CSMD1: variants seen among roughly 807,000 people sequenced by gnomAD.
CSMD1 encodes the protein CUB and Sushi multiple domains 1.
In CSMD1, 213 loss-of-function variants were observed where a neutral mutation model predicts 417.5. The ratio of observed to expected loss-of-function variants is 0.51; its 90% CI spans 0.46 to 0.57. The LOEUF (loss-of-function observed/expected upper bound fraction) is 0.57, where lower values mean the gene tolerates loss of function less well. CSMD1 is among the 20% of genes least tolerant of loss of function. CSMD1 has a pLI of 0.00. For missense variants in CSMD1, 6,923 were observed against 4,529.7 expected, an observed-to-expected ratio of 1.53 and a Z score of -15.17; for synonymous variants, 2,862 against 1,736.8, an observed-to-expected ratio of 1.65 and a Z score of -16.11.
intron 5 of CSMD1, among the ~76,000 whole-genome samples, chr8:3,755,786 G>C (rs1433532611): frequency 6.6e-6 from 1 of 152,104 alleles, no homozygotes; most frequent in Non-Finnish European, 1.5e-5. Flanking sequence ...TTACAACAGT[G>C]TTTATGCCAC....
chr8:4,634,362 T>G (rs2724969), intron 2 of CSMD1, among the ~76,000 whole-genome samples: 289 of 152,354 alleles, frequency 1.9e-3, no homozygotes, highest in African/African-American at 6.4e-3. Flanking sequence ...GGATTAAATC[T>G]GCCTCTTAAG....
At chr8:3,461,414 C>A (rs533577468) in intron 12 of CSMD1, among the ~76,000 whole-genome samples, 1 of 152,208 alleles carries the variant, frequency 6.6e-6, no homozygotes, top group South Asian at 2.1e-4. Flanking sequence ...GGCCATAATG[C>A]TGTGTCAGTC....
intron 3 of CSMD1, among the ~76,000 whole-genome samples, chr8:4,390,529 T>TTTATTTATTTATTTA (rs1803778170): frequency 6.7e-4 from 8 of 11,966 alleles, no homozygotes; most frequent in African/African-American, 3.7e-3. Flanking sequence ...TTATTTATTT[T>TTTATTTATTTATTTA]TTGAGATGGA....
chr8:4,714,116 G>C (rs983792319), intron 1 of CSMD1, among the ~76,000 whole-genome samples: 1 of 151,982 alleles, frequency 6.6e-6, no homozygotes, highest in Non-Finnish European at 1.5e-5. Flanking sequence ...TTGCACTCCA[G>C]TCTGGGTGAC....
At chr8:4,564,532 C>T (rs575101625) in intron 2 of CSMD1, among the ~76,000 whole-genome samples, 2 of 152,028 alleles carry the variant, frequency 1.3e-5, no homozygotes, top group African/African-American at 2.4e-5. Context: ...ACTCGATGTT[C>T]GAAACAGAAG....
At chr8:4,908,236 C>G (rs373528277) in intron 1 of CSMD1, among the ~76,000 whole-genome samples, 20 of 152,154 alleles carry the variant, frequency 1.3e-4, no homozygotes, top group East Asian at 5.8e-4. Flanking sequence ...AGTGTTTATA[C>G]TTGCTATTCT....
chr8:3,515,105 A>T (rs898529071), intron 10 of CSMD1, among the ~76,000 whole-genome samples: 1 of 152,364 alleles, frequency 6.6e-6, no homozygotes, highest in African/African-American at 2.4e-5. Context: ...ACATTTAAAA[A>T]ATCAGTCATT....
At chr8:2,978,460 G>C (rs1164454299) in intron 55 of CSMD1, among the ~76,000 whole-genome samples, 152 bp downstream of exon 55, 1 of 152,160 alleles carries the variant, frequency 6.6e-6, no homozygotes, top group Admixed American at 6.5e-5. Context: ...CTGGCCACTC[G>C]ATCTACAGCT....
chr8:4,558,730 A>G (rs983217526), intron 2 of CSMD1, among the ~76,000 whole-genome samples: 1 of 152,092 alleles, frequency 6.6e-6, no homozygotes, highest in Admixed American at 6.5e-5. Flanking sequence ...TTAGCCCAGC[A>G]TGGTGGTGGC....
chr8:4,002,568 T>C (rs575655287), intron 4 of CSMD1, among the ~76,000 whole-genome samples: 35 of 152,338 alleles, frequency 2.3e-4, no homozygotes, highest in African/African-American at 7.9e-4. Flanking sequence ...TACTTAATTT[T>C]TGATATAATA....
chr8:3,524,966 T>G (rs1797694284), intron 10 of CSMD1, among the ~76,000 whole-genome samples: 1 of 152,166 alleles, frequency 6.6e-6, no homozygotes, highest in Admixed American at 6.5e-5. Flanking sequence ...CACTGTACAC[T>G]CATTAGGCAC....
chr8:4,340,267 C>T (rs1251628178), intron 3 of CSMD1, among the ~76,000 whole-genome samples: 1 of 151,932 alleles, frequency 6.6e-6, no homozygotes, highest in Non-Finnish European at 1.5e-5. Context: ...AAGATTTGTC[C>T]TTTTTCCTTG....
In CSMD1 at chr8:3,007,151, C is replaced by T. The variant is rs1475533480; in HGVS notation, c.8030-7020G>A. Among the ~76,000 whole-genome samples, 4 of 149,096 alleles carry T rather than the reference C, an allele frequency of 2.7e-5. No individual in the cohort carries two copies. The South Asian group carries it at 8.4e-4, about 31-fold the overall frequency. ...CACTTCTCAAAAGAAGACATTTATGCAGCCAAAAGACACATGAAAAAATGC... is the reference window on the plus strand; with the variant it reads ...CACTTCTCAAAAGAAGACATTTATGTAGCCAAAAGACACATGAAAAAATGC... On this transcript the variant is annotated intron_variant, in intron 52 of 69. Coordinates refer to ENST00000635120, the MANE Select transcript of CSMD1 (RefSeq NM_033225.6).
intron 3 of CSMD1, among the ~76,000 whole-genome samples, chr8:4,060,245 C>T (rs559022088): frequency 8.2e-3 from 42 of 5,142 alleles, no homozygotes; most frequent in Middle Eastern, 0.5. Context: ...ATTCAACAAC[C>T]CTTCATGCTA....
chr8:3,004,122 G>A (rs551849782), intron 52 of CSMD1, among the ~76,000 whole-genome samples: 37 of 152,240 alleles, frequency 2.4e-4, no homozygotes, highest in African/African-American at 7.7e-4. Flanking sequence ...GGTGAGGGCA[G>A]CCCTGCACAC....
At chr8:3,210,041 C>T (rs541094957) in intron 30 of CSMD1, among the ~76,000 whole-genome samples, 12 of 152,168 alleles carry the variant, frequency 7.9e-5, no homozygotes, top group Admixed American at 7.9e-4. Flanking sequence ...AAAACATTAC[C>T]CCACGCATCT....
At chr8:4,101,663 G>A (rs1293961116) in intron 3 of CSMD1, among the ~76,000 whole-genome samples, 1 of 152,202 alleles carries the variant, frequency 6.6e-6, no homozygotes, top group Non-Finnish European at 1.5e-5. Flanking sequence ...CAAATAGAAT[G>A]TTGAATTTAT....
chr8:3,051,497 T>A, intron 50 of CSMD1, among the ~76,000 whole-genome samples: 1 of 152,212 alleles, frequency 6.6e-6, no homozygotes, highest in East Asian at 1.9e-4. Context: ...TTGGGTACTA[T>A]GGTTATTACC....
chr8:3,493,736 A>G lies in CSMD1; in HGVS notation c.1345-10T>C, dbSNP rs773705137. The stretch of plus-strand genomic sequence containing the variant: ...AGGCAAGCTTGATGACCTAAATACA[A>G]GGTACGAAACAGTGACTTAGAACAA... On this transcript the variant is annotated splice_polypyrimidine_tract_variant and intron_variant, in intron 10 of 69. Coordinates refer to ENST00000635120, the MANE Select transcript of CSMD1 (RefSeq NM_033225.6). 1 of 1,602,986 alleles carries G rather than the reference A, an allele frequency of 6.2e-7. No individual in the cohort carries two copies. Among genetic ancestry groups the G allele is most frequent in the South Asian group, 1.1e-5 (1 of 88,838 alleles).
Sources: allele counts gnomAD v4.1 joint callset (sites outside exome capture counted in the v4.1 genomes callset), GRCh38; gene constraint gnomAD v4.1.1; transcripts MANE v1.5; gene names NCBI Gene and HGNC (gene_info 2026-07-23, HGNC 2026-07-21).